Variants in PTPN20 observed in about 807,000 individuals in gnomAD.
PTPN20 encodes tyrosine-protein phosphatase non-receptor type 20.
PTPN20 carries 9 observed loss-of-function variants against 35.0 expected under a neutral mutation model. The observed-to-expected ratio is 0.26, with a 90% CI of 0.15 to 0.45. PTPN20 has a LOEUF of 0.45. Ranked by LOEUF, PTPN20 falls within the 20% of genes least tolerant of loss-of-function variation. PTPN20 has a pLI of 1.00. For missense variants in PTPN20, 111 were observed against 312.5 expected (o/e 0.36, Z 4.86); for synonymous variants, 32 against 100.2 (o/e 0.32, Z 4.06).
chr10:46,977,399 C>G (rs1229961374), intron 7 of PTPN20, among the ~76,000 whole-genome samples: 1 of 152,292 alleles, frequency 6.6e-6, no homozygotes, highest in Non-Finnish European at 1.5e-5. Context: ...GTACTGAGAG[C>G]AATTCTAGAG....
Position 46,948,445 on chromosome 10 carries a change from A to AC in PTPN20, c.340+1770_340+1771insC, listed in dbSNP as rs1226022436. Among the ~76,000 whole-genome samples, 1,008 of 147,946 alleles carry AC rather than the reference A, an allele frequency of 6.8e-3. 5 individuals carry two copies. The highest frequency in any genetic ancestry group is 0.024 in the African/African-American group (938 of 39,370). ...GATTGAGTGTTGGTACTGGGTGTAGAAAAAAAGAGACTAAAGTAAATAGAA... is the reference window on the plus strand; with the variant it reads ...GATTGAGTGTTGGTACTGGGTGTAGACAAAAAAGAGACTAAAGTAAATAGAA... On this transcript the variant is annotated intron_variant, in intron 5 of 10. Transcript: ENST00000374339.
intron 2 of PTPN20, among the ~76,000 whole-genome samples, chr10:46,938,373 C>T (rs1410489992): frequency 9.4e-4 from 78 of 82,770 alleles, no homozygotes; most frequent in South Asian, 1.6e-3. Flanking sequence ...AGCTTCTGTT[C>T]CAAGGATAGT....
chr10:46,959,155 T>C (rs2579689), intron 5 of PTPN20, among the ~76,000 whole-genome samples: 111,144 of 123,820 alleles, frequency 0.9, 50,195 homozygotes, highest in East Asian at 1. Flanking sequence ...TTCATTTCTG[T>C]CAATTTTTGC....
intron 5 of PTPN20, among the ~76,000 whole-genome samples, chr10:46,947,261 G>A (rs1472133661): frequency 6.9e-6 from 1 of 144,362 alleles, no homozygotes; most frequent in African/African-American, 2.5e-5. Context: ...TTGTAAACTT[G>A]GGGGATCACA....
At chr10:46,978,929 C>T (rs1201762815) in intron 7 of PTPN20, among the ~76,000 whole-genome samples, 2 of 150,472 alleles carry the variant, frequency 1.3e-5, no homozygotes, top group African/African-American at 4.9e-5. Flanking sequence ...TGAATTCTTC[C>T]TTGATAGGTG....
intron 1 of PTPN20, among the ~76,000 whole-genome samples, chr10:46,930,260 TGGGG>T (rs1555117635): frequency 8.4e-6 from 1 of 119,506 alleles, no homozygotes; most frequent in East Asian, 2.4e-4. Context: ...GATAAGTCAT[TGGGG>T]TAAAGGACCA....
At chr10:46,945,508 G>T (rs1467036190) in intron 4 of PTPN20, among the ~76,000 whole-genome samples, 5 of 152,228 alleles carry the variant, frequency 3.3e-5, no homozygotes, top group Admixed American at 3.3e-4. Context: ...AGTGGAGATG[G>T]TGATGGAAAA....
intron 5 of PTPN20, among the ~76,000 whole-genome samples, chr10:46,947,382 A>C (rs1178270237): frequency 1.3e-5 from 2 of 151,198 alleles, no homozygotes; most frequent in African/African-American, 4.9e-5. Flanking sequence ...GAAAAATGTC[A>C]AATCCAGTTA....
At chr10:46,940,170 AT>A in intron 2 of PTPN20, among the ~76,000 whole-genome samples, 1 of 148,800 alleles carries the variant, frequency 6.7e-6, no homozygotes, top group Non-Finnish European at 1.5e-5. Context: ...TTTCTGTATA[AT>A]TTAACATATT....
At chr10:46,921,813 A>C (rs1555108692) in intron 1 of PTPN20, among the ~76,000 whole-genome samples, 1 of 110,374 alleles carries the variant, frequency 9.1e-6, no homozygotes, top group African/African-American at 4.0e-5. Flanking sequence ...CAGAGGGAGA[A>C]ATTCATGTAA....
At chr10:47,002,921 G>A (rs2060131413), downstream of PTPN20, among the ~76,000 whole-genome samples, 1 of 151,724 alleles carries the variant, frequency 6.6e-6, no homozygotes, top group African/African-American at 2.4e-5. Flanking sequence ...TATTTTTATT[G>A]AAAAACCTCA....
intron 1 of PTPN20, among the ~76,000 whole-genome samples, chr10:46,922,979 T>C (rs2035880380): frequency 7.4e-6 from 1 of 134,840 alleles, no homozygotes. Context: ...GAGATGAGAT[T>C]TGGGACATTA....
chr10:46,932,655 G>A, intron 2 of PTPN20, 122 bp downstream of exon 2: 4 of 1,541,798 alleles, frequency 2.6e-6, no homozygotes, highest in Non-Finnish European at 3.6e-6. Flanking sequence ...TGATCCTCTG[G>A]GTCTTGGTGG....
intron 1 of PTPN20, among the ~76,000 whole-genome samples, chr10:46,922,710 A>C (rs1432729440): frequency 7.1e-6 from 1 of 140,884 alleles, no homozygotes; most frequent in Non-Finnish European, 1.5e-5. Flanking sequence ...TTACCTGGTG[A>C]CTCATGGATC....
At chr10:46,928,312 T>G (rs1424188068) in intron 1 of PTPN20, among the ~76,000 whole-genome samples, 1 of 152,028 alleles carries the variant, frequency 6.6e-6, no homozygotes, top group African/African-American at 2.4e-5. Flanking sequence ...CTTGCATTAA[T>G]AACTTGATAT....
chr10:46,947,455 T>C (rs1300147552), intron 5 of PTPN20, among the ~76,000 whole-genome samples: 27 of 150,616 alleles, frequency 1.8e-4, no homozygotes, highest in African/African-American at 6.3e-4. Context: ...TTTATAAGAA[T>C]ATGCTTTTAT....
chr10:46,992,215 C>T (rs1388780536), intron 9 of PTPN20, among the ~76,000 whole-genome samples: 1 of 150,922 alleles, frequency 6.6e-6, no homozygotes, highest in Non-Finnish European at 1.5e-5. Flanking sequence ...CTCCACCTCT[C>T]AGGTTCAAGC....
In PTPN20 at chr10:46,944,661, G is replaced by A. The variant is rs1233277020; in HGVS notation, c.227+646G>A. ...TATATTCTTTATATTATGTGTTTTT[G>A]TATGCGTATTGTATGAAATTTATAT... On this transcript the variant is annotated intron_variant, in intron 4 of 10. Transcript: ENST00000374339. 4.5e-3 allele frequency among the ~76,000 whole-genome samples: 560 copies of A among 125,046 alleles called. 17 individuals carry two copies. Among genetic ancestry groups the A allele is most frequent in the African/African-American group, 0.02 (525 of 26,626 alleles). The allele number at this position is 125,046 out of a possible 152,430, so 82.0% of individuals were successfully genotyped here. A position where few individuals can be genotyped will look rare whatever the true frequency, so the allele number is the denominator to read the frequency against.
intron 1 of PTPN20, among the ~76,000 whole-genome samples, chr10:46,918,608 G>A (rs9418899): frequency 0.36 from 43,519 of 122,502 alleles, 9,876 homozygotes; most frequent in South Asian, 0.45. Flanking sequence ...AGAATATTGT[G>A]TAATTTCCTT....
Sources: allele counts gnomAD v4.1 joint callset (sites outside exome capture counted in the v4.1 genomes callset), GRCh38; gene constraint gnomAD v4.1.1; transcripts MANE v1.5; gene names NCBI Gene and HGNC (gene_info 2026-07-23, HGNC 2026-07-21).